The following CREBZF variants were observed in gnomAD, a reference collection of about 807,000 sequenced individuals.
CREBZF encodes CREB/ATF bZIP transcription factor.
CREBZF carries 8 observed loss-of-function variants against 21.1 expected under a neutral mutation model. The ratio of observed to expected loss-of-function variants is 0.38; its 90% CI spans 0.22 to 0.68. The LOEUF is 0.68. CREBZF is among the 30% of genes least tolerant of loss of function. The pLI is 0.51. For synonymous variants in CREBZF, 270 were observed against 223.3 expected (o/e 1.21, Z -1.86); for missense variants, 518 against 484.3 (o/e 1.07, Z -0.65).
At chr11:85,672,959 T>C (rs913711034) in intron 1 of CREBZF, among the ~76,000 whole-genome samples, 1 of 152,188 alleles carries the variant, frequency 6.6e-6, no homozygotes, top group Non-Finnish European at 1.5e-5. Context: ...AAAAATCCAA[T>C]GTCTCCACAA....
intron 1 of CREBZF, among the ~76,000 whole-genome samples, chr11:85,676,402 C>A (rs1467897972): frequency 6.6e-6 from 1 of 152,100 alleles, no homozygotes; most frequent in East Asian, 1.9e-4. Flanking sequence ...CTTTAGGAAC[C>A]CCAAAACTTT....
chr11:85,672,581 C>T (rs575561005), intron 1 of CREBZF, among the ~76,000 whole-genome samples: 25 of 152,332 alleles, frequency 1.6e-4, no homozygotes, highest in African/African-American at 6.0e-4. Flanking sequence ...TTCCACAGAT[C>T]TCTAAGACTT....
intron 1 of CREBZF, among the ~76,000 whole-genome samples, chr11:85,675,753 T>A (rs290182): frequency 0.14 from 21,368 of 152,180 alleles, 1,742 homozygotes; most frequent in East Asian, 0.29. Flanking sequence ...AAACAAGGTA[T>A]GCCTGTGGTA....
Position 85,664,680 on chromosome 11 carries a change from C to G in CREBZF, c.196G>C (p.Gly66Arg). ...GCCACGCCGCCGCGGCTCCCCCTCC[C>G]GGCTTCCAACTCTCCTTCGTCGCCA... Reference protein sequence around the residue: ...QFGDEGELEAGRGSRGGVAVR... With the variant: ...QFGDEGELEARRGSRGGVAVR... The change falls in exon 1 of 1, where the codon GGG (glycine) becomes CGG (arginine). Residue 66 changes from glycine to arginine, a missense_variant. Physicochemically the swap from Gly to Arg is moderately radical, Grantham distance 125 (BLOSUM62 -2). Around this residue, in one of 3 missense-constraint regions of CREBZF, gnomAD observed 396 missense variants for 324.4 expected, o/e 1.22. Coordinates refer to ENST00000527447, the MANE Select transcript of CREBZF (RefSeq NM_001039618.4). The surrounding 1 kb of genome is among the most constrained non-coding windows in gnomAD (Gnocchi z 5.5). The G allele has an allele frequency of 6.2e-7, 1 of 1,602,040 alleles. No individual in the cohort carries two copies. The highest frequency in any genetic ancestry group is 8.5e-7 in the Non-Finnish European group (1 of 1,174,422).
chr11:85,672,311 G>A (rs986816665), intron 1 of CREBZF, among the ~76,000 whole-genome samples: 4 of 152,240 alleles, frequency 2.6e-5, no homozygotes, highest in Non-Finnish European at 5.9e-5. Flanking sequence ...GGCCTGTCAT[G>A]GGTGGGGCTG....
rs770605572 is a variant in CREBZF, at chr11:85,659,184, A to G, written c.*4627T>C. Among the ~76,000 whole-genome samples, 1 of 152,098 alleles carries G rather than the reference A, an allele frequency of 6.6e-6. No individual in the cohort carries two copies. The highest frequency in any genetic ancestry group is 1.5e-5 in the Non-Finnish European group (1 of 67,940). On this transcript the variant is annotated 3_prime_UTR_variant, in exon 1 of 1. Coordinates refer to ENST00000527447, the MANE Select transcript of CREBZF (RefSeq NM_001039618.4). ...TGTATTGGCTGTGAGTCTGGGGGAA[A>G]AAAACATAAATGTCATACTACCAAT...
upstream of CREBZF, among the ~76,000 whole-genome samples, chr11:85,665,947 G>A (rs1238304755): frequency 6.6e-6 from 1 of 152,166 alleles, no homozygotes; most frequent in African/African-American, 2.4e-5. Flanking sequence ...ACCTCTGCAA[G>A]GATGTCTGCC....
chr11:85,664,199 T>C lies in CREBZF; in HGVS notation c.677A>G (p.Lys226Arg). Residue 226 changes from lysine (K) to arginine (R), a missense_variant, in exon 1 of 1, where the codon AAG becomes AGG. Around this residue, in one of 3 missense-constraint regions of CREBZF, gnomAD observed 396 missense variants for 324.4 expected, o/e 1.22. Coordinates refer to ENST00000527447, the MANE Select transcript of CREBZF (RefSeq NM_001039618.4). This position sits in a 1 kb window ranked among gnomAD's most constrained non-coding sequence, Gnocchi z 5.5. ...AAARLNRLKK[K>R]EYVMGLESRV... is the part of the protein sequence containing the mutation. ...ACTCTCCAGCCCCATCACGTACTCC[T>C]TCTTCTTCAGTCGATTAAGGCGGGC... is the stretch of plus-strand genomic sequence containing the variant. 1.2e-6 allele frequency: 2 copies of C among 1,613,252 alleles called. No homozygotes were observed. The highest frequency in any genetic ancestry group is 1.7e-6 in the Non-Finnish European group (2 of 1,179,966).
upstream of CREBZF, among the ~76,000 whole-genome samples, chr11:85,668,734 G>A (rs1326137775): frequency 6.6e-6 from 1 of 151,792 alleles, no homozygotes; most frequent in Non-Finnish European, 1.5e-5. Context: ...CGGGCGCGGT[G>A]GCTCACGCCT....
At position 85,662,307 on chromosome 11, in the gene CREBZF, TACTTTTTAATTATGA is replaced by T; in HGVS notation, c.*1489_*1503del. On this transcript the variant is annotated 3_prime_UTR_variant, in exon 1 of 1. Coordinates refer to ENST00000527447, the MANE Select transcript of CREBZF (RefSeq NM_001039618.4). ...CTTACATCTTTGGACTGCTGGAAAATACTTTTTAATTATGAACATGTTAAAAATAAAAAACAGCAG... is the reference window on the plus strand; with the variant it reads ...CTTACATCTTTGGACTGCTGGAAAATACATGTTAAAAATAAAAAACAGCAG... 1.5e-6 allele frequency: 1 copy of T among 669,170 alleles called. No homozygotes were observed. The highest frequency in any genetic ancestry group is 2.8e-6 in the Non-Finnish European group (1 of 359,222). The allele number at this position is 669,170 out of a possible 1,614,324, so 41.5% of individuals were successfully genotyped here. A position where few individuals can be genotyped will look rare whatever the true frequency, so the allele number is the denominator to read the frequency against.
chr11:85,675,541 T>C (rs1386073504), intron 1 of CREBZF, among the ~76,000 whole-genome samples: 1 of 152,036 alleles, frequency 6.6e-6, no homozygotes, highest in Admixed American at 6.6e-5. Flanking sequence ...GTATGAAAGA[T>C]CAATGATCAC....
chr11:85,669,000 TCAAAAAAAAAAAAAA>T, upstream of CREBZF, among the ~76,000 whole-genome samples: 1 of 12,370 alleles, frequency 8.1e-5, no homozygotes, highest in Non-Finnish European at 1.5e-4. Flanking sequence ...AGACTCCGTC[TCAAAAAAAAAAAAAA>T]AAAAAAAAAA....
chr11:85,667,419 G>A (rs1489366892), upstream of CREBZF, among the ~76,000 whole-genome samples: 1 of 152,168 alleles, frequency 6.6e-6, no homozygotes, highest in African/African-American at 2.4e-5. Flanking sequence ...TTTGTCACAT[G>A]ACCAATTGAC....
At position 85,665,031 on chromosome 11, in the gene CREBZF, AC is replaced by A. The variant is rs1246140187; in HGVS notation, c.-157del. 6.3e-6 allele frequency: 3 copies of A among 478,838 alleles called. No homozygotes were observed. Among genetic ancestry groups the A allele is most frequent in the Non-Finnish European group, 7.0e-6 (2 of 287,556 alleles). The allele number at this position is 478,838 out of a possible 1,614,324, so 29.7% of individuals were successfully genotyped here. A position where few individuals can be genotyped will look rare whatever the true frequency, so the allele number is the denominator to read the frequency against. ...GCCTCCCGCCTCACTTGGCTAGTCGACCCCCCGCGCCAAGGCGCGGGGAGGG... is the reference window on the plus strand; with the variant it reads ...GCCTCCCGCCTCACTTGGCTAGTCGACCCCCGCGCCAAGGCGCGGGGAGGG... On this transcript the variant is annotated 5_prime_UTR_variant, in exon 1 of 1. Transcript: ENST00000527447.
chr11:85,674,054 A>T (rs2082928662), intron 1 of CREBZF, among the ~76,000 whole-genome samples: 1 of 152,178 alleles, frequency 6.6e-6, no homozygotes, highest in South Asian at 2.1e-4. Context: ...GAATCCTTCT[A>T]AGTCATCCAT....
Position 85,663,733 on chromosome 11 carries a change from T to C in CREBZF, c.*78A>G. The C allele has an allele frequency of 1.9e-6, 3 of 1,591,916 alleles. No individual in the cohort carries two copies. Among genetic ancestry groups the C allele is most frequent in the Non-Finnish European group, 2.6e-6 (3 of 1,169,554 alleles). On this transcript the variant is annotated 3_prime_UTR_variant, in exon 1 of 1. Coordinates refer to ENST00000527447, the MANE Select transcript of CREBZF (RefSeq NM_001039618.4). Reference sequence around the variant, plus strand: ...TCCTCTGAAATGTGTCCGGTGAAGATGTCCCACTAAGGTAAGTTTGACATG... The same window carrying C: ...TCCTCTGAAATGTGTCCGGTGAAGACGTCCCACTAAGGTAAGTTTGACATG...
Position 85,660,658 on chromosome 11 carries a change from A to G in CREBZF, c.*3153T>C. ...ATTATAAAATGCACAAATATTTAAA[A>G]TATTTTGAACACTTCTTGTTGGATT... On this transcript the variant is annotated 3_prime_UTR_variant, in exon 1 of 1. Coordinates refer to ENST00000527447, the MANE Select transcript of CREBZF (RefSeq NM_001039618.4). 4.4e-6 allele frequency: 2 copies of G among 450,174 alleles called. No individual in the cohort carries two copies. The highest frequency in any genetic ancestry group is 3.2e-5 in the South Asian group (2 of 62,946). 27.9% of individuals were successfully genotyped at this position (450,174 alleles called of 1,614,324 possible).
upstream of CREBZF, among the ~76,000 whole-genome samples, chr11:85,665,358 C>T (rs181379291): frequency 4.7e-4 from 71 of 152,168 alleles, no homozygotes; most frequent in Non-Finnish European, 9.3e-4. Flanking sequence ...TTTATCTTTA[C>T]ATAAATGCTT....
At chr11:85,675,315 TA>T (rs2082935357) in intron 1 of CREBZF, among the ~76,000 whole-genome samples, 1 of 152,240 alleles carries the variant, frequency 6.6e-6, no homozygotes, top group Non-Finnish European at 1.5e-5. Context: ...GAGAGATGTA[TA>T]ACTCTTTCAC....
Sources: allele counts gnomAD v4.1 joint callset (sites outside exome capture counted in the v4.1 genomes callset), GRCh38; gene constraint gnomAD v4.1.1; regional missense constraint gnomAD v4.1.1; non-coding constraint Gnocchi (gnomAD v3.1); transcripts MANE v1.5; gene names NCBI Gene and HGNC (gene_info 2026-07-23, HGNC 2026-07-21).